KIF26B: variants seen among roughly 807,000 people sequenced by gnomAD.
KIF26B encodes the protein kinesin-like protein KIF26B.
In KIF26B, 63 loss-of-function variants were observed where a neutral mutation model predicts 151.2. The ratio of observed to expected loss-of-function variants is 0.42; its 90% CI spans 0.34 to 0.51. The LOEUF (loss-of-function observed/expected upper bound fraction) is 0.51, where lower values mean the gene tolerates loss of function less well. KIF26B is among the 20% of genes least tolerant of loss of function. KIF26B has a pLI of 0.07. For missense variants in KIF26B, 2,813 were observed against 2,913.6 expected, an observed-to-expected ratio of 0.97 and a Z score of 0.79; for synonymous variants, 1,357 against 1,262.1, an observed-to-expected ratio of 1.08 and a Z score of -1.59.
chr1:245,175,991 T>C (rs1289296586), intron 2 of KIF26B, among the ~76,000 whole-genome samples: 2 of 148,928 alleles, frequency 1.3e-5, no homozygotes, highest in Non-Finnish European at 3.0e-5. Context: ...TATATAGATA[T>C]AGATATATAG....
chr1:245,700,167 T>A (rs529247585), intron 14 of KIF26B, among the ~76,000 whole-genome samples: 1 of 152,322 alleles, frequency 6.6e-6, no homozygotes, highest in Admixed American at 6.5e-5. Context: ...CTGCTTTGGC[T>A]GCTGGCTTTC....
chr1:245,283,320 C>G (rs933790418), intron 2 of KIF26B, among the ~76,000 whole-genome samples: 1 of 152,188 alleles, frequency 6.6e-6, no homozygotes. Context: ...CCAACCACCT[C>G]AAGCCCAATC....
At position 245,684,332 on chromosome 1, in the gene KIF26B, G is replaced by A. The variant is rs148065443; in HGVS notation, c.2358G>A (p.Ala786=). 4.4e-5 allele frequency: 71 copies of A among 1,613,930 alleles called. No individual in the cohort carries two copies. In the African/African-American group the frequency reaches 6.7e-4, roughly 15 times the overall value. The part of the protein sequence containing the change: ...AHISAAVGSY[A]ETLSTIQIAS... ...TCTCGGCCGCGGTCGGGAGCTACGC[G>A]GAGACCCTGTCCACCATCCAGATTG... Residue 786 remains alanine (A), a synonymous_variant, in exon 11 of 15, where the codon GCG becomes GCA. Transcript: ENST00000407071.
At chr1:245,209,394 A>G (rs1669467199) in intron 2 of KIF26B, among the ~76,000 whole-genome samples, 1 of 152,038 alleles carries the variant, frequency 6.6e-6, no homozygotes, top group Admixed American at 6.6e-5. Context: ...GAGTGAGACT[A>G]CATCTAAAAA....
At chr1:245,226,766 T>A (rs571124145) in intron 2 of KIF26B, among the ~76,000 whole-genome samples, 1 of 152,174 alleles carries the variant, frequency 6.6e-6, no homozygotes, top group South Asian at 2.1e-4. Flanking sequence ...CCTGGCCAGA[T>A]GCATCTCTTT....
intron 3 of KIF26B, among the ~76,000 whole-genome samples, chr1:245,394,684 C>CTTTTT (rs1444711983): frequency 0.026 from 3,169 of 123,648 alleles, 112 homozygotes; most frequent in Non-Finnish European, 0.029. Flanking sequence ...AAGTTTTTTT[C>CTTTTT]TTTCTTTTTT....
intron 2 of KIF26B, among the ~76,000 whole-genome samples, chr1:245,260,387 T>C: frequency 6.6e-6 from 1 of 152,198 alleles, no homozygotes; most frequent in East Asian, 1.9e-4. Flanking sequence ...ATCCTAGTCT[T>C]TCTGCTAACT....
chr1:245,298,348 A>G (rs1370394096), intron 2 of KIF26B, among the ~76,000 whole-genome samples: 2 of 152,248 alleles, frequency 1.3e-5, no homozygotes, highest in African/African-American at 2.4e-5. Flanking sequence ...AGAATGAAAG[A>G]TACGTGCTAT....
At chr1:245,402,104 A>G (rs1261263597) in intron 3 of KIF26B, among the ~76,000 whole-genome samples, 2 of 152,180 alleles carry the variant, frequency 1.3e-5, no homozygotes, top group African/African-American at 4.8e-5. Flanking sequence ...GCCTGCCCTC[A>G]GCTTGCAAGC....
intron 2 of KIF26B, among the ~76,000 whole-genome samples, chr1:245,365,127 C>T (rs1387711889): frequency 6.6e-6 from 1 of 152,140 alleles, no homozygotes; most frequent in Non-Finnish European, 1.5e-5. Flanking sequence ...TGTTCTGGAA[C>T]AGCCCCTAAG....
chr1:245,670,529 T>TA (rs34620056), intron 10 of KIF26B, among the ~76,000 whole-genome samples: 414 of 149,002 alleles, frequency 2.8e-3, no homozygotes, highest in Admixed American at 4.5e-3. Context: ...ATGTCTCATT[T>TA]AAAAAAAAAA....
intron 2 of KIF26B, among the ~76,000 whole-genome samples, chr1:245,208,228 T>C (rs1669445116): frequency 6.6e-6 from 1 of 152,218 alleles, no homozygotes; most frequent in Non-Finnish European, 1.5e-5. Context: ...TTGCACATAA[T>C]TGCAGAAAAC....
chr1:245,190,992 G>A (rs1407556006), intron 2 of KIF26B, among the ~76,000 whole-genome samples: 1 of 147,540 alleles, frequency 6.8e-6, no homozygotes, highest in Non-Finnish European at 1.5e-5. Flanking sequence ...CTGGGAGGCG[G>A]AGGTTGCAAT....
At chr1:245,605,458 T>C (rs1463653859) in intron 6 of KIF26B, among the ~76,000 whole-genome samples, 1 of 152,172 alleles carries the variant, frequency 6.6e-6, no homozygotes, top group Non-Finnish European at 1.5e-5. Context: ...TCTCTTCGTT[T>C]CTAAGGAAAT....
chr1:245,261,758 A>G (rs1299696456), intron 2 of KIF26B, among the ~76,000 whole-genome samples: 6 of 150,622 alleles, frequency 4.0e-5, no homozygotes. Flanking sequence ...TAGTTTTTGT[A>G]TTTTTTGTAG....
In KIF26B at chr1:245,607,716, C is replaced by T. The variant is rs755504260; in HGVS notation, c.1623C>T (p.Cys541=). The T allele has an allele frequency of 5.6e-6, 9 of 1,612,902 alleles. No homozygotes were observed. The highest frequency in any genetic ancestry group is 1.6e-4 in the Middle Eastern group (1 of 6,062). ...IQSVVNGADG[C]VFCFGHAKLG... is the part of the protein sequence containing the mutation. ...CTGTGGTCAACGGGGCAGATGGCTG[C>T]GTGTTCTGTTTCGGCCACGCCAAAC... Residue 541 remains cysteine (C), a synonymous_variant, in exon 7 of 15, where the codon TGC becomes TGT. Transcript: ENST00000407071.
intron 4 of KIF26B, among the ~76,000 whole-genome samples, chr1:245,452,360 T>C (rs760849646): frequency 1.3e-5 from 2 of 152,230 alleles, no homozygotes; most frequent in Non-Finnish European, 2.9e-5. Flanking sequence ...ACTTGGACTG[T>C]TTCCATCTTT....
chr1:245,253,342 G>C (rs777219970), intron 2 of KIF26B, among the ~76,000 whole-genome samples: 3 of 152,026 alleles, frequency 2.0e-5, no homozygotes, highest in Non-Finnish European at 4.4e-5. Flanking sequence ...TACATTAAGA[G>C]ATTTTTTTAG....
chr1:245,466,036 G>A (rs1039502505), intron 4 of KIF26B, among the ~76,000 whole-genome samples: 4 of 152,224 alleles, frequency 2.6e-5, no homozygotes, highest in African/African-American at 7.2e-5. Flanking sequence ...CGCACAGTAC[G>A]AGCATCTCAT....
Sources: gnomAD v4.1 joint callset for allele counts (sites outside exome capture counted in the v4.1 genomes callset) on GRCh38, gnomAD v4.1.1 for gene constraint, MANE v1.5 for transcripts, NCBI Gene and HGNC (gene_info 2026-07-23, HGNC 2026-07-21) for gene names.